Variants in PRSS35 observed in about 807,000 individuals in gnomAD.
PRSS35 encodes the protein inactive serine protease 35.
PRSS35 carries 7 observed loss-of-function variants against 8.1 expected under a neutral mutation model. That is an observed-to-expected ratio of 0.86 (90% confidence interval 0.49 to 1.62). The LOEUF (loss-of-function observed/expected upper bound fraction) is 1.62. Among genes scored for constraint, PRSS35 ranks in the 40% most tolerant of loss-of-function variants. PRSS35 has a pLI of 0.00. For missense variants in PRSS35, 566 were observed against 518.0 expected (o/e 1.09, Z -0.90); for synonymous variants, 199 against 188.7 (o/e 1.05, Z -0.45).
At chr6:83,519,426 A>T (rs1020615573) in intron 1 of PRSS35, among the ~76,000 whole-genome samples, 1 of 152,194 alleles carries the variant, frequency 6.6e-6, no homozygotes, top group African/African-American at 2.4e-5. Context: ...AATGAGGGGG[A>T]TGGGGAAGCC....
intron 1 of PRSS35, 147 bp from the exon 2 acceptor site, chr6:83,523,275 A>G (rs1771855904): frequency 3.1e-6 from 2 of 651,246 alleles, no homozygotes; most frequent in East Asian, 5.5e-5. Context: ...ACCAGTGTTT[A>G]TCTAATCTCA....
At chr6:83,515,919 A>G (rs560000786) in intron 1 of PRSS35, among the ~76,000 whole-genome samples, 1 of 151,786 alleles carries the variant, frequency 6.6e-6, no homozygotes, top group African/African-American at 2.4e-5. Flanking sequence ...GGTTCAGGGG[A>G]TTCTCCTGCC....
chr6:83,514,771 C>A (rs928769890), intron 1 of PRSS35, among the ~76,000 whole-genome samples: 5 of 152,214 alleles, frequency 3.3e-5, no homozygotes, highest in African/African-American at 9.6e-5. Context: ...GGCACTACAA[C>A]TGTTTTTGAA....
At chr6:83,516,531 A>G (rs1056894235) in intron 1 of PRSS35, among the ~76,000 whole-genome samples, 10 of 148,346 alleles carry the variant, frequency 6.7e-5, no homozygotes, top group Non-Finnish European at 1.3e-4. Flanking sequence ...AGCCGAGATC[A>G]CGCCATTGCA....
intron 1 of PRSS35, among the ~76,000 whole-genome samples, chr6:83,514,044 A>G (rs1771670249): frequency 6.6e-6 from 1 of 152,210 alleles, no homozygotes; most frequent in African/African-American, 2.4e-5. Flanking sequence ...CAGTAAAGTT[A>G]AGTTAGTAGT....
chr6:83,515,804 C>T (rs888460685), intron 1 of PRSS35, among the ~76,000 whole-genome samples: 2 of 148,054 alleles, frequency 1.4e-5, no homozygotes, highest in African/African-American at 2.5e-5. Flanking sequence ...TTAATCACTC[C>T]CTACTACTAC....
At chr6:83,518,421 C>T (rs549640664) in intron 1 of PRSS35, among the ~76,000 whole-genome samples, 43 of 86,320 alleles carry the variant, frequency 5.0e-4, no homozygotes, top group African/African-American at 1.9e-3. Context: ...AGTGTAGATC[C>T]AGGCTATAAA....
intron 1 of PRSS35, among the ~76,000 whole-genome samples, chr6:83,519,983 G>A (rs1771791663): frequency 6.6e-6 from 1 of 151,594 alleles, no homozygotes; most frequent in Non-Finnish European, 1.5e-5. Context: ...TCACTTTTTT[G>A]AGACATATGA....
intron 1 of PRSS35, 87 bp from the exon 2 acceptor site, chr6:83,523,335 A>T: frequency 1.0e-6 from 1 of 979,182 alleles, no homozygotes; most frequent in Non-Finnish European, 1.5e-6. Context: ...TGGTGAAGGT[A>T]CATTTAGGAT....
At chr6:83,522,369 T>C (rs1391695526) in intron 1 of PRSS35, among the ~76,000 whole-genome samples, 1 of 151,982 alleles carries the variant, frequency 6.6e-6, no homozygotes, top group Admixed American at 6.6e-5. Flanking sequence ...TTCCACTAAA[T>C]AGATACATGT....
rs532138479 is a variant in PRSS35, at chr6:83,522,881, G to A, written c.-20-541G>A. 3.9e-5 allele frequency among the ~76,000 whole-genome samples: 6 copies of A among 151,912 alleles called. No individual in the cohort carries two copies. In the South Asian group the frequency reaches 1.2e-3, roughly 32 times the overall value. On this transcript the variant is annotated intron_variant, in intron 1 of 1. Coordinates refer to ENST00000369700, the MANE Select transcript of PRSS35 (RefSeq NM_153362.3). ...GCACCTTCACATCAGTTTGGGCTGC[G>A]AATCCTGGTTCATGGACATTCACTG...
chr6:83,513,334 A>G (rs1347576129), intron 1 of PRSS35, among the ~76,000 whole-genome samples: 2 of 152,152 alleles, frequency 1.3e-5, no homozygotes, highest in Admixed American at 6.5e-5. Flanking sequence ...GAAATTTTCT[A>G]TAATAAAAGG....
intron 1 of PRSS35, 28 bp from the exon 2 acceptor site, chr6:83,523,394 T>A (rs1400377996): frequency 4.6e-6 from 7 of 1,517,020 alleles, no homozygotes; most frequent in East Asian, 2.3e-5. Context: ...GGAAACATTA[T>A]AAACCTCTCT....
rs368488512 is a variant in PRSS35 at position 83,516,349 on chromosome 6, C to T, written c.-21+3655C>T. 5.7e-4 allele frequency among the ~76,000 whole-genome samples: 87 copies of T among 151,648 alleles called. 1 individual carries two copies. The East Asian group carries it at 0.012, about 21-fold the overall frequency. On this transcript the variant is annotated intron_variant, in intron 1 of 1. Coordinates refer to ENST00000369700, the MANE Select transcript of PRSS35 (RefSeq NM_153362.3). ...CAGCACTTTGGGAGGCCGAGATGGGCGGATCACGAGGTCAGGAGATCGAGA... is the reference window on the plus strand; with the variant it reads ...CAGCACTTTGGGAGGCCGAGATGGGTGGATCACGAGGTCAGGAGATCGAGA...
rs541804043 is a variant in PRSS35 at position 83,521,391 on chromosome 6, T to C, written c.-20-2031T>C. Among the ~76,000 whole-genome samples, 10 of 152,254 alleles carry C rather than the reference T, an allele frequency of 6.6e-5. No homozygotes were observed. The South Asian group carries it at 2.1e-3, about 32-fold the overall frequency. On this transcript the variant is annotated intron_variant, in intron 1 of 1. Coordinates refer to ENST00000369700, the MANE Select transcript of PRSS35 (RefSeq NM_153362.3). The stretch of plus-strand genomic sequence containing the variant: ...AATAAAATACTAAGTGGCTCTACTC[T>C]ACAAAATCCTTGATGATATAATTAC...
chr6:83,522,566 A>G (rs1388898317), intron 1 of PRSS35, among the ~76,000 whole-genome samples: 4 of 152,170 alleles, frequency 2.6e-5, no homozygotes, highest in African/African-American at 9.7e-5. Context: ...TCCCCCCCAA[A>G]CAGCCTGTAC....
At position 83,524,075 on chromosome 6, in the gene PRSS35, G is replaced by A; in HGVS notation, c.634G>A (p.Gly212Ser). The change falls in exon 2 of 2, where the codon GGT (glycine) becomes AGT (serine). Residue 212 changes from glycine (G) to serine (S), a missense_variant. Coordinates refer to ENST00000369700, the MANE Select transcript of PRSS35 (RefSeq NM_153362.3). ...GSKRSRREAS[G>S]GDQREGTREH... is the part of the protein sequence containing the mutation. Reference sequence around the variant, plus strand: ...TAAGAGGAGCAGGAGAGAAGCTAGTGGTGGTGACCAAAGAGAGGGTACCAG... The same window carrying A: ...TAAGAGGAGCAGGAGAGAAGCTAGTAGTGGTGACCAAAGAGAGGGTACCAG... 2 of 1,614,044 alleles carry A rather than the reference G, an allele frequency of 1.2e-6. No homozygotes were observed. Among genetic ancestry groups the A allele is most frequent in the South Asian group, 1.1e-5 (1 of 91,076 alleles).
chr6:83,521,514 C>G (rs946571112), intron 1 of PRSS35, among the ~76,000 whole-genome samples: 10 of 149,472 alleles, frequency 6.7e-5, no homozygotes, highest in East Asian at 4.0e-4. Context: ...TCACCTCCCC[C>G]CCTCCTCTCC....
intron 1 of PRSS35, among the ~76,000 whole-genome samples, chr6:83,516,583 A>G (rs1771722136): frequency 6.6e-6 from 1 of 151,920 alleles, no homozygotes; most frequent in African/African-American, 2.4e-5. Flanking sequence ...CTCAAAAAAA[A>G]AAAAAAAAAA....
Sources: gnomAD v4.1 joint callset for allele counts (sites outside exome capture counted in the v4.1 genomes callset) on GRCh38, gnomAD v4.1.1 for gene constraint, MANE v1.5 for transcripts, NCBI Gene and HGNC (gene_info 2026-07-23, HGNC 2026-07-21) for gene names.